The following MAPK8 variants were observed in gnomAD, a reference collection of about 807,000 sequenced individuals.
MAPK8 encodes JUN N-terminal kinase.
Under a neutral mutation model 52.9 loss-of-function variants are expected in MAPK8, and 13 were observed. That is an observed-to-expected ratio of 0.25 (90% confidence interval 0.16 to 0.39). The LOEUF is 0.39. Among genes scored for constraint, MAPK8 ranks in the 10% least tolerant of loss-of-function variants. The pLI is 1.00. For missense variants in MAPK8, 300 were observed against 519.2 expected, an observed-to-expected ratio of 0.58 and a Z score of 4.10; for synonymous variants, 191 against 169.8, an observed-to-expected ratio of 1.12 and a Z score of -0.97.
chr10:48,389,185 A>G (rs905995938), intron 1 of MAPK8, among the ~76,000 whole-genome samples: 4 of 152,154 alleles, frequency 2.6e-5, no homozygotes, highest in Non-Finnish European at 5.9e-5. Flanking sequence ...ATGCATTTGT[A>G]TGGTGGCAGC....
intron 1 of MAPK8, among the ~76,000 whole-genome samples, chr10:48,383,362 A>G (rs2041124944): frequency 6.6e-6 from 1 of 152,228 alleles, no homozygotes; most frequent in Admixed American, 6.5e-5. Context: ...ACAGGAAATC[A>G]AAAGCTGTTC....
intron 1 of MAPK8, among the ~76,000 whole-genome samples, chr10:48,335,333 T>C (rs977338242): frequency 1.3e-5 from 2 of 152,106 alleles, no homozygotes; most frequent in Non-Finnish European, 2.9e-5. Flanking sequence ...TATTGATATA[T>C]CAACATAAAT....
rs1057462863 is a variant in MAPK8 at position 48,311,467 on chromosome 10, C to G, written c.-50+4646C>G. On this transcript the variant is annotated intron_variant, in intron 1 of 11. Coordinates refer to ENST00000374189, the MANE Select transcript of MAPK8 (RefSeq NM_001323329.2). ...TTGAAGGGAACATATTTGCCACTTTCACGATTTTTTGCCTTTTCCCACAGG... is the reference window on the plus strand; with the variant it reads ...TTGAAGGGAACATATTTGCCACTTTGACGATTTTTTGCCTTTTCCCACAGG... Among the ~76,000 whole-genome samples the G allele has an allele frequency of 5.3e-5, 8 of 152,148 alleles. No homozygotes were observed. In the South Asian group the frequency reaches 1.7e-3, roughly 32 times the overall value.
chr10:48,373,719 A>G lies in MAPK8; in HGVS notation c.-49-27893A>G, dbSNP rs562142910. The stretch of plus-strand genomic sequence containing the variant: ...GAAGAGCTAACTATCCTAAATATAT[A>G]TGCACCTAATACAGTAGCACCCAGA... On this transcript the variant is annotated intron_variant, in intron 1 of 11. Coordinates refer to ENST00000374189, the MANE Select transcript of MAPK8 (RefSeq NM_001323329.2). 7.2e-5 allele frequency among the ~76,000 whole-genome samples: 11 copies of G among 152,218 alleles called. No homozygotes were observed. In the South Asian group the frequency reaches 1.5e-3, roughly 20 times the overall value.
At chr10:48,411,040 T>G (rs2133083806) in intron 5 of MAPK8, among the ~76,000 whole-genome samples, 1 of 152,364 alleles carries the variant, frequency 6.6e-6, no homozygotes, top group Non-Finnish European at 1.5e-5. Context: ...TTATCAGGTA[T>G]ATAATTTGTA....
intron 1 of MAPK8, among the ~76,000 whole-genome samples, chr10:48,373,710 T>C (rs1344224716): frequency 4.0e-5 from 6 of 150,518 alleles, no homozygotes; most frequent in Non-Finnish European, 4.4e-5. Flanking sequence ...CTAACTATCC[T>C]AAATATATAT....
chr10:48,393,407 A>G (rs1030067086), intron 1 of MAPK8, among the ~76,000 whole-genome samples: 3 of 152,136 alleles, frequency 2.0e-5, no homozygotes, highest in African/African-American at 4.8e-5. Context: ...TCTACCCCTT[A>G]CATTGTAACC....
chr10:48,317,479 T>G (rs763250267), intron 1 of MAPK8, among the ~76,000 whole-genome samples: 3 of 152,196 alleles, frequency 2.0e-5, no homozygotes, highest in Non-Finnish European at 4.4e-5. Flanking sequence ...TGAAACACTT[T>G]GAAAAAGAGT....
chr10:48,349,529 A>G (rs1414005034), intron 1 of MAPK8, among the ~76,000 whole-genome samples: 1 of 152,226 alleles, frequency 6.6e-6, no homozygotes, highest in African/African-American at 2.4e-5. Context: ...TACTGGGTAA[A>G]TAATGAAATT....
chr10:48,310,813 T>G (rs1413952091), intron 1 of MAPK8, among the ~76,000 whole-genome samples: 1 of 151,998 alleles, frequency 6.6e-6, no homozygotes, highest in African/African-American at 2.4e-5. Flanking sequence ...TTTGGAAAAC[T>G]TAGTAGCTTC....
chr10:48,393,273 G>A (rs1043180554), intron 1 of MAPK8, among the ~76,000 whole-genome samples: 20 of 151,778 alleles, frequency 1.3e-4, no homozygotes, highest in African/African-American at 4.6e-4. Flanking sequence ...CCATTTGAAT[G>A]TCTTAAAGTT....
intron 3 of MAPK8, among the ~76,000 whole-genome samples, chr10:48,409,645 G>A (rs1259087927): frequency 6.6e-6 from 1 of 152,146 alleles, no homozygotes; most frequent in African/African-American, 2.4e-5. Flanking sequence ...GTTCATAAAT[G>A]GAATTACAGA....
At chr10:48,342,494 C>T (rs948352614) in intron 1 of MAPK8, among the ~76,000 whole-genome samples, 7 of 152,168 alleles carry the variant, frequency 4.6e-5, no homozygotes, top group Non-Finnish European at 7.3e-5. Flanking sequence ...AATGAGGAAT[C>T]AGTGAGCAGA....
intron 1 of MAPK8, among the ~76,000 whole-genome samples, chr10:48,319,033 G>A (rs1040443485): frequency 9.2e-5 from 14 of 152,148 alleles, no homozygotes; most frequent in Non-Finnish European, 1.9e-4. Flanking sequence ...AGGTATGAGA[G>A]GATTAGTCCT....
intron 1 of MAPK8, among the ~76,000 whole-genome samples, chr10:48,325,617 C>A (rs139324974): frequency 6.6e-6 from 1 of 152,270 alleles, no homozygotes; most frequent in South Asian, 2.1e-4. Flanking sequence ...TAATTAACAT[C>A]GTATGTTTGC....
intron 1 of MAPK8, among the ~76,000 whole-genome samples, chr10:48,307,624 A>C (rs1332788987): frequency 6.6e-6 from 1 of 152,228 alleles, no homozygotes; most frequent in Non-Finnish European, 1.5e-5. Flanking sequence ...TATTTCTGAA[A>C]GTTCCCTGCT....
intron 5 of MAPK8, among the ~76,000 whole-genome samples, chr10:48,413,702 G>C (rs1170041629): frequency 6.6e-6 from 1 of 150,664 alleles, no homozygotes; most frequent in East Asian, 2.0e-4. Context: ...TGTAAAGTTT[G>C]TTTTTGCTCT....
intron 1 of MAPK8, among the ~76,000 whole-genome samples, chr10:48,380,181 G>A (rs2040912339): frequency 6.6e-6 from 1 of 152,026 alleles, no homozygotes; most frequent in Non-Finnish European, 1.5e-5. Flanking sequence ...GGCGGATGTT[G>A]CAGTGAGCTG....
intron 6 of MAPK8, among the ~76,000 whole-genome samples, chr10:48,421,985 C>A (rs1338847344): frequency 6.7e-6 from 1 of 150,222 alleles, no homozygotes; most frequent in Admixed American, 6.7e-5. Flanking sequence ...TTTAATGACA[C>A]CTCACACTCA....
Sources: gnomAD v4.1 joint callset for allele counts (sites outside exome capture counted in the v4.1 genomes callset) on GRCh38, gnomAD v4.1.1 for gene constraint, MANE v1.5 for transcripts, NCBI Gene and HGNC (gene_info 2026-07-23, HGNC 2026-07-21) for gene names.